The following CADM2 variants were observed in gnomAD, a reference collection of about 807,000 sequenced individuals.
CADM2 encodes cell adhesion molecule 2.
A neutral mutation model predicts 49.8 loss-of-function variants in CADM2; 12 were observed. The observed-to-expected ratio is 0.24, with a 90% confidence interval of 0.15 to 0.39. The LOEUF is 0.39. CADM2 is among the 10% of genes least tolerant of loss of function. The pLI, the probability that CADM2 is intolerant of heterozygous loss-of-function variation, is 1.00. For synonymous variants in CADM2, 214 were observed against 175.4 expected, an observed-to-expected ratio of 1.22 and a Z score of -1.74; for missense variants, 378 against 492.3, an observed-to-expected ratio of 0.77 and a Z score of 2.20.
At chr3:85,283,659 C>CT (rs905927932) in intron 1 of CADM2, among the ~76,000 whole-genome samples, 2 of 151,938 alleles carry the variant, frequency 1.3e-5, no homozygotes, top group Non-Finnish European at 2.9e-5. Flanking sequence ...TGCTATGACT[C>CT]TTTAAGTGTG....
At chr3:85,834,408 G>A (rs539348142) in intron 3 of CADM2, among the ~76,000 whole-genome samples, 9 of 151,574 alleles carry the variant, frequency 5.9e-5, no homozygotes, top group South Asian at 4.1e-4. Context: ...AGTGCAACCA[G>A]AAAGAATACA....
intron 3 of CADM2, among the ~76,000 whole-genome samples, chr3:85,824,423 A>G (rs995079641): frequency 7.7e-6 from 1 of 129,724 alleles, no homozygotes; most frequent in African/African-American, 2.9e-5. Flanking sequence ...AGAAAAAACA[A>G]AAAAACTCAA....
At chr3:85,037,005 A>AAG (rs201667914) in intron 1 of CADM2, among the ~76,000 whole-genome samples, 51 of 137,902 alleles carry the variant, frequency 3.7e-4, no homozygotes, top group South Asian at 9.5e-4. Flanking sequence ...TAGAAAAAAA[A>AAG]AAAAAAAAAA....
At chr3:85,258,201 G>C (rs908424963) in intron 1 of CADM2, among the ~76,000 whole-genome samples, 1 of 152,060 alleles carries the variant, frequency 6.6e-6, no homozygotes, top group Non-Finnish European at 1.5e-5. Context: ...GCTGGAGCTT[G>C]TCCCTGCATA....
intron 1 of CADM2, among the ~76,000 whole-genome samples, chr3:85,145,384 G>T (rs573767869): frequency 6.6e-6 from 1 of 151,886 alleles, no homozygotes; most frequent in Non-Finnish European, 1.5e-5. Context: ...TCTATATTAG[G>T]TTTTCTATGT....
chr3:85,722,553 C>T (rs1028101130), intron 1 of CADM2, among the ~76,000 whole-genome samples: 2 of 152,144 alleles, frequency 1.3e-5, no homozygotes, highest in African/African-American at 4.8e-5. Context: ...CCAGTAATGT[C>T]CTTGCTAACT....
chr3:85,278,403 A>C (rs2043411791), intron 1 of CADM2, among the ~76,000 whole-genome samples: 1 of 151,418 alleles, frequency 6.6e-6, no homozygotes. Flanking sequence ...AGTACAACTC[A>C]GGACGCTGTG....
chr3:85,487,091 C>T (rs928585771), intron 1 of CADM2, among the ~76,000 whole-genome samples: 5 of 152,154 alleles, frequency 3.3e-5, no homozygotes, highest in African/African-American at 1.2e-4. Context: ...TTCCATTTCC[C>T]CCAATACTTA....
At chr3:85,140,983 A>G (rs192537059) in intron 1 of CADM2, among the ~76,000 whole-genome samples, 28 of 152,312 alleles carry the variant, frequency 1.8e-4, no homozygotes, top group Middle Eastern at 3.4e-3. Context: ...TATGATGTCT[A>G]ATCTTCCTTC....
At chr3:85,097,512 C>A (rs1344985268) in intron 1 of CADM2, among the ~76,000 whole-genome samples, 1 of 152,134 alleles carries the variant, frequency 6.6e-6, no homozygotes, top group Non-Finnish European at 1.5e-5. Flanking sequence ...TGGGTATGTA[C>A]CCAGCAATGG....
intron 1 of CADM2, among the ~76,000 whole-genome samples, chr3:85,265,515 C>G (rs1202560880): frequency 6.6e-6 from 1 of 151,880 alleles, no homozygotes; most frequent in Non-Finnish European, 1.5e-5. Context: ...AGGTTGAACT[C>G]ATTTTTATAA....
intron 9 of CADM2, among the ~76,000 whole-genome samples, chr3:86,066,246 T>G (rs1158036075): frequency 2.1e-5 from 3 of 146,200 alleles, no homozygotes; most frequent in African/African-American, 7.7e-5. Flanking sequence ...GGCAGGAGAA[T>G]TGCTTGAACC....
At chr3:84,962,218 C>A (rs1268567927) in intron 1 of CADM2, among the ~76,000 whole-genome samples, 1 of 150,584 alleles carries the variant, frequency 6.6e-6, no homozygotes, top group Non-Finnish European at 1.5e-5. Flanking sequence ...TGTCTGTGGA[C>A]TTAGGAGCAT....
At chr3:84,983,115 G>T (rs564579342) in intron 1 of CADM2, among the ~76,000 whole-genome samples, 5 of 151,974 alleles carry the variant, frequency 3.3e-5, no homozygotes, top group Non-Finnish European at 7.4e-5. Context: ...ATTTAAAATG[G>T]TGTATTTATA....
At chr3:85,796,399 A>G (rs2071625520) in intron 2 of CADM2, among the ~76,000 whole-genome samples, 1 of 152,090 alleles carries the variant, frequency 6.6e-6, no homozygotes, top group Non-Finnish European at 1.5e-5. Flanking sequence ...GCCTTGCTAG[A>G]GGTCACCTCT....
rs1491095321 is a variant in CADM2, at chr3:85,515,632, T to TATATATATATA, written c.62-210890_62-210889insATATATATATA. ...ACTAATATATATATATATATATATA[T>TATATATATATA]TTTTTTTTTTTGTATCTTTAGTAGA... On this transcript the variant is annotated intron_variant, in intron 1 of 9. Coordinates refer to ENST00000383699, the MANE Select transcript of CADM2 (RefSeq NM_001167675.2). Among the ~76,000 whole-genome samples, 882 of 94,076 alleles carry TATATATATATA rather than the reference T, an allele frequency of 9.4e-3. 10 individuals carry two copies. The highest frequency in any genetic ancestry group is 0.041 in the African/African-American group (832 of 20,228). 61.7% of individuals were successfully genotyped at this position (94,076 alleles called of 152,430 possible).
chr3:85,205,593 TTA>T (rs2041612574), intron 1 of CADM2, among the ~76,000 whole-genome samples: 3 of 152,034 alleles, frequency 2.0e-5, no homozygotes, highest in Non-Finnish European at 4.4e-5. Flanking sequence ...ATAATTCAAA[TTA>T]TGTTTAAAAA....
chr3:86,012,473 T>G, intron 8 of CADM2: 1 of 795,300 alleles, frequency 1.3e-6, no homozygotes, highest in Non-Finnish European at 1.8e-6. Flanking sequence ...CCGGCCGACC[T>G]GGCTCTCCTC....
At chr3:85,861,791 G>A (rs999827256) in intron 3 of CADM2, among the ~76,000 whole-genome samples, 7 of 151,862 alleles carry the variant, frequency 4.6e-5, no homozygotes, top group African/African-American at 1.7e-4. Flanking sequence ...ATATATGGGG[G>A]TGGATAGAAT....
Sources: gnomAD v4.1 joint callset for allele counts (sites outside exome capture counted in the v4.1 genomes callset) on GRCh38, gnomAD v4.1.1 for gene constraint, MANE v1.5 for transcripts, NCBI Gene and HGNC (gene_info 2026-07-23, HGNC 2026-07-21) for gene names.